Variants in SH3GL3 observed in about 807,000 individuals in gnomAD.
SH3GL3 encodes SH3 domain containing GRB2 like 3, endophilin A3, also known as endophilin-A3.
Under a neutral mutation model 47.7 loss-of-function variants are expected in SH3GL3, and 33 were observed. That is an observed-to-expected ratio of 0.69 (90% CI 0.52 to 0.92). The LOEUF (loss-of-function observed/expected upper bound fraction) is 0.92, where lower values mean the gene tolerates loss of function less well. Among genes scored for constraint, SH3GL3 ranks in the 40% least tolerant of loss-of-function variants. The pLI is 0.00. For synonymous variants in SH3GL3, 155 were observed against 148.8 expected (o/e 1.04, Z -0.30); for missense variants, 363 against 417.8 (o/e 0.87, Z 1.14).
intron 8 of SH3GL3, among the ~76,000 whole-genome samples, chr15:83,616,256 T>TC: frequency 6.8e-6 from 1 of 146,924 alleles, no homozygotes; most frequent in East Asian, 2.0e-4. Context: ...GATTGCTTTT[T>TC]TTTTTTTTTT....
chr15:83,586,972 T>G lies in SH3GL3; in HGVS notation c.625-11T>G, dbSNP rs1250869517. On this transcript the variant is annotated splice_polypyrimidine_tract_variant and intron_variant, in intron 6 of 8. Coordinates refer to ENST00000427482, the MANE Select transcript of SH3GL3 (RefSeq NM_003027.5). ...GGGCCTCCATGGAATAATTTTGCAC[T>G]TCTGCTGCAGGTAGAACAAGTCAGC... 1 of 1,557,470 alleles carries G rather than the reference T, an allele frequency of 6.4e-7. No homozygotes were observed. The highest frequency in any genetic ancestry group is 8.8e-7 in the Non-Finnish European group (1 of 1,137,498).
chr15:83,627,199 C>T, the SH3GL3 span, among the ~76,000 whole-genome samples: 3 of 152,130 alleles, frequency 2.0e-5, no homozygotes, highest in East Asian at 1.9e-4. Context: ...AGACAGAGAC[C>T]ATCCTGGCTA....
intron 1 of SH3GL3, among the ~76,000 whole-genome samples, chr15:83,554,685 G>A (rs900240471): frequency 2.3e-4 from 35 of 152,266 alleles, no homozygotes; most frequent in Admixed American, 9.8e-4. Context: ...GTAATCCCGT[G>A]CCTAGCCGAT....
chr15:83,596,627 TTTTG>T (rs954087846), intron 8 of SH3GL3, among the ~76,000 whole-genome samples: 3 of 152,184 alleles, frequency 2.0e-5, no homozygotes, highest in South Asian at 2.1e-4. Flanking sequence ...GAAAGTGTGT[TTTTG>T]TTTGTTTGTT....
intron 1 of SH3GL3, among the ~76,000 whole-genome samples, chr15:83,558,666 T>A (rs2045087345): frequency 6.6e-6 from 1 of 152,214 alleles, no homozygotes; most frequent in Non-Finnish European, 1.5e-5. Context: ...TATCCATTCC[T>A]GCCCCTGGCT....
At chr15:83,615,908 A>G (rs981958617) in intron 8 of SH3GL3, among the ~76,000 whole-genome samples, 1 of 152,220 alleles carries the variant, frequency 6.6e-6, no homozygotes, top group African/African-American at 2.4e-5. Context: ...ATACTAGAAT[A>G]AAATTTAGTT....
intron 1 of SH3GL3, among the ~76,000 whole-genome samples, chr15:83,557,812 A>G (rs2045039879): frequency 6.6e-6 from 1 of 152,232 alleles, no homozygotes; most frequent in African/African-American, 2.4e-5. Flanking sequence ...TCACAAGCCC[A>G]GCCCAGATTC....
At chr15:83,486,587 A>G (rs934052306) in intron 1 of SH3GL3, among the ~76,000 whole-genome samples, 1 of 152,058 alleles carries the variant, frequency 6.6e-6, no homozygotes, top group African/African-American at 2.4e-5. Context: ...ATTCCTTTTC[A>G]TGGCTGTATA....
At chr15:83,613,890 G>A (rs1280089684) in intron 8 of SH3GL3, among the ~76,000 whole-genome samples, 1 of 152,088 alleles carries the variant, frequency 6.6e-6, no homozygotes, top group Non-Finnish European at 1.5e-5. Flanking sequence ...GACTCATGGA[G>A]GACTGCCAAA....
chr15:83,470,495 G>A (rs543457210), intron 1 of SH3GL3, among the ~76,000 whole-genome samples: 1 of 152,270 alleles, frequency 6.6e-6, no homozygotes, highest in East Asian at 1.9e-4. Flanking sequence ...TCAAAGTGCT[G>A]GGATTACAGA....
In SH3GL3 at chr15:83,486,562, A is replaced by G. The variant is rs150439038; in HGVS notation, c.45+38984A>G. Among the ~76,000 whole-genome samples the G allele has an allele frequency of 2.2e-3, 339 of 152,334 alleles. 5 individuals carry two copies. The highest frequency in any genetic ancestry group is 0.019 in the Admixed American group (293 of 15,300). ...TTTTGATATTCATCCATATTGTAGC[A>G]TGTATCAGTACTTTATTCCTTTTCA... On this transcript the variant is annotated intron_variant, in intron 1 of 8. Transcript: ENST00000427482.
chr15:83,511,004 A>AG (rs2042723643), intron 1 of SH3GL3, among the ~76,000 whole-genome samples: 1 of 138,962 alleles, frequency 7.2e-6, no homozygotes, highest in African/African-American at 2.6e-5. Context: ...GGGTGGGGAG[A>AG]GGGGGGCGGG....
intron 1 of SH3GL3, among the ~76,000 whole-genome samples, chr15:83,546,292 C>G (rs2044393109): frequency 6.6e-6 from 1 of 151,892 alleles, no homozygotes; most frequent in Admixed American, 6.6e-5. Context: ...CAGAAGGAGT[C>G]TCTGCCCAGA....
chr15:83,610,412 A>C (rs1429328813), intron 8 of SH3GL3, among the ~76,000 whole-genome samples: 1 of 152,192 alleles, frequency 6.6e-6, no homozygotes, highest in Non-Finnish European at 1.5e-5. Flanking sequence ...TGGTGCCTGT[A>C]GTCCCAGGTA....
chr15:83,611,998 A>G (rs1284847351), intron 8 of SH3GL3, among the ~76,000 whole-genome samples: 1 of 111,132 alleles, frequency 9.0e-6, no homozygotes, highest in East Asian at 4.2e-4. Context: ...TCTTTTTTCC[A>G]TTTCTGTTGT....
At chr15:83,537,660 C>T (rs1472835978) in intron 1 of SH3GL3, among the ~76,000 whole-genome samples, 2 of 152,162 alleles carry the variant, frequency 1.3e-5, no homozygotes, top group Non-Finnish European at 2.9e-5. Flanking sequence ...TCCCCAGGCT[C>T]ACTCTGTTCT....
At chr15:83,485,278 A>G (rs1394491670) in intron 1 of SH3GL3, among the ~76,000 whole-genome samples, 3 of 152,316 alleles carry the variant, frequency 2.0e-5, no homozygotes, top group South Asian at 2.1e-4. Context: ...GGGATGAAAT[A>G]GTTTTACATG....
intron 2 of SH3GL3, 151 bp downstream of exon 2, chr15:83,559,472 T>C: frequency 1.7e-6 from 1 of 587,622 alleles, no homozygotes; most frequent in Non-Finnish European, 3.1e-6. Flanking sequence ...CTTTCCCACG[T>C]CCCAGCCCAA....
chr15:83,486,128 A>G (rs372027011), intron 1 of SH3GL3, among the ~76,000 whole-genome samples: 2 of 152,178 alleles, frequency 1.3e-5, no homozygotes, highest in Admixed American at 6.5e-5. Context: ...CCTATATTCA[A>G]ATTTCTCTAA....
Sources: gnomAD v4.1 joint callset for allele counts (sites outside exome capture counted in the v4.1 genomes callset) on GRCh38, gnomAD v4.1.1 for gene constraint, MANE v1.5 for transcripts, NCBI Gene and HGNC (gene_info 2026-07-23, HGNC 2026-07-21) for gene names.